The following HS6ST3 variants were observed in gnomAD, a reference collection of about 807,000 sequenced individuals.
HS6ST3 encodes the protein heparan-sulfate 6-O-sulfotransferase 3.
A neutral mutation model predicts 36.7 loss-of-function variants in HS6ST3; 12 were observed. The ratio of observed to expected loss-of-function variants is 0.33; its 90% confidence interval spans 0.21 to 0.53. HS6ST3 has a LOEUF of 0.53. Among genes scored for constraint, HS6ST3 ranks in the 20% least tolerant of loss-of-function variants. HS6ST3 has a pLI of 0.95. For missense variants in HS6ST3, 584 were observed against 640.9 expected (o/e 0.91, Z 0.96); for synonymous variants, 240 against 257.5 (o/e 0.93, Z 0.65).
At chr13:96,687,001 G>A (rs1419669230) in intron 1 of HS6ST3, among the ~76,000 whole-genome samples, 1 of 151,844 alleles carries the variant, frequency 6.6e-6, no homozygotes, top group East Asian at 1.9e-4. Flanking sequence ...ATGCATGCAT[G>A]CTACTCTTTT....
chr13:96,579,318 C>G (rs1038095602), intron 1 of HS6ST3, among the ~76,000 whole-genome samples: 4 of 152,046 alleles, frequency 2.6e-5, no homozygotes, highest in African/African-American at 7.2e-5. Context: ...TTTTAATACC[C>G]TGAAGCAAGA....
intron 1 of HS6ST3, among the ~76,000 whole-genome samples, chr13:96,177,292 A>T (rs2054217041): frequency 6.6e-6 from 1 of 152,210 alleles, no homozygotes; most frequent in Admixed American, 6.5e-5. Flanking sequence ...GATTAATGTA[A>T]ATCATTCTAC....
chr13:96,523,032 C>T (rs1237963893), intron 1 of HS6ST3, among the ~76,000 whole-genome samples: 2 of 152,230 alleles, frequency 1.3e-5, no homozygotes, highest in Non-Finnish European at 1.5e-5. Context: ...GTGCTTCCTT[C>T]AGGAGCTCTT....
At chr13:96,190,978 C>T (rs1029081441) in intron 1 of HS6ST3, among the ~76,000 whole-genome samples, 5 of 152,074 alleles carry the variant, frequency 3.3e-5, no homozygotes, top group African/African-American at 4.8e-5. Context: ...CTATGAAGGC[C>T]GCAATCAATG....
At chr13:96,469,964 G>A (rs2055832890) in intron 1 of HS6ST3, among the ~76,000 whole-genome samples, 1 of 152,120 alleles carries the variant, frequency 6.6e-6, no homozygotes, top group South Asian at 2.1e-4. Context: ...TAAGAAGAAA[G>A]TCTTTATCAA....
At chr13:96,515,848 A>T (rs892240187) in intron 1 of HS6ST3, among the ~76,000 whole-genome samples, 1 of 152,148 alleles carries the variant, frequency 6.6e-6, no homozygotes, top group Non-Finnish European at 1.5e-5. Context: ...GTATGTCTTT[A>T]TAGTGGTATA....
chr13:96,216,721 T>A (rs991459840), intron 1 of HS6ST3, among the ~76,000 whole-genome samples: 1 of 152,162 alleles, frequency 6.6e-6, no homozygotes, highest in African/African-American at 2.4e-5. Context: ...GGCTGCTACC[T>A]CTCAGGTCCC....
At chr13:96,126,325 G>A (rs187304134) in intron 1 of HS6ST3, among the ~76,000 whole-genome samples, 15 of 152,306 alleles carry the variant, frequency 9.8e-5, no homozygotes, top group Middle Eastern at 6.8e-3. Flanking sequence ...TCTGCAAAAT[G>A]TGGAATCAGG....
intron 1 of HS6ST3, among the ~76,000 whole-genome samples, chr13:96,426,309 GAGGAAGCATCAA>G (rs1594777589): frequency 6.6e-6 from 1 of 152,086 alleles, no homozygotes; most frequent in Non-Finnish European, 1.5e-5. Context: ...CTATAATTAG[GAGGAAGCATCAA>G]AGTGCCTACT....
intron 1 of HS6ST3, among the ~76,000 whole-genome samples, chr13:96,471,444 G>A (rs1003743777): frequency 1.3e-5 from 2 of 152,164 alleles, no homozygotes; most frequent in African/African-American, 4.8e-5. Flanking sequence ...CCTTGAGGGT[G>A]TTAGGATGTC....
intron 1 of HS6ST3, among the ~76,000 whole-genome samples, chr13:96,697,287 G>A (rs1875155899): frequency 1.3e-5 from 2 of 151,504 alleles, no homozygotes; most frequent in Non-Finnish European, 1.5e-5. Flanking sequence ...TGGACAAAGA[G>A]GAAAATATAT....
chr13:96,531,291 G>A (rs1483953413), intron 1 of HS6ST3, among the ~76,000 whole-genome samples: 1 of 152,172 alleles, frequency 6.6e-6, no homozygotes, highest in Non-Finnish European at 1.5e-5. Context: ...ATTAATATTT[G>A]TAAAAACGAG....
intron 1 of HS6ST3, among the ~76,000 whole-genome samples, chr13:96,782,295 C>T (rs1260789081): frequency 1.3e-5 from 2 of 152,082 alleles, no homozygotes; most frequent in South Asian, 2.1e-4. Flanking sequence ...TAAGGATTAC[C>T]GATTTTCTCC....
chr13:96,506,108 AT>A (rs781068997), intron 1 of HS6ST3, among the ~76,000 whole-genome samples: 13 of 152,054 alleles, frequency 8.5e-5, no homozygotes, highest in Non-Finnish European at 1.5e-4. Context: ...TAATGCAGGG[AT>A]TTTTTTAATA....
intron 1 of HS6ST3, among the ~76,000 whole-genome samples, chr13:96,311,614 G>T (rs905182135): frequency 1.8e-4 from 28 of 152,134 alleles, no homozygotes; most frequent in African/African-American, 6.8e-4. Context: ...GTCTTTTTAA[G>T]GTAAACTGGA....
intron 1 of HS6ST3, among the ~76,000 whole-genome samples, chr13:96,817,214 TA>T (rs2138539448): frequency 6.6e-6 from 1 of 152,320 alleles, no homozygotes; most frequent in Non-Finnish European, 1.5e-5. Context: ...AGACAGCCTT[TA>T]AAATCCATCG....
chr13:96,106,162 G>A lies in HS6ST3; in HGVS notation c.707+14593G>A, dbSNP rs375945163. ...TAGTAGTAGTTGTTAAAGTATTAAC[G>A]TCCAATAAATTCTCTGATACTCTTT... On this transcript the variant is annotated intron_variant, in intron 1 of 1. Transcript: ENST00000376705. 1.2e-4 allele frequency among the ~76,000 whole-genome samples: 18 copies of A among 152,248 alleles called. No individual in the cohort carries two copies. In the South Asian group the frequency reaches 1.2e-3, roughly 11 times the overall value.
At chr13:96,804,688 T>G (rs945908396) in intron 1 of HS6ST3, among the ~76,000 whole-genome samples, 24 of 152,018 alleles carry the variant, frequency 1.6e-4, no homozygotes, top group African/African-American at 5.8e-4. Context: ...CTGTGCCAAA[T>G]CAGAAGGAAA....
At chr13:96,698,229 T>C (rs971881347) in intron 1 of HS6ST3, among the ~76,000 whole-genome samples, 3 of 152,122 alleles carry the variant, frequency 2.0e-5, no homozygotes, top group South Asian at 4.1e-4. Flanking sequence ...CGGTGTGTGA[T>C]GTTGCCCTTC....
Sources: allele counts gnomAD v4.1 joint callset (sites outside exome capture counted in the v4.1 genomes callset), GRCh38; gene constraint gnomAD v4.1.1; transcripts MANE v1.5; gene names NCBI Gene and HGNC (gene_info 2026-07-23, HGNC 2026-07-21).